TSPAN5: variants seen among roughly 807,000 people sequenced by gnomAD.
The protein encoded by TSPAN5 is tetraspanin 5.
Under a neutral mutation model 37.1 loss-of-function variants are expected in TSPAN5, and 10 were observed. The ratio of observed to expected loss-of-function variants is 0.27; its 90% CI spans 0.17 to 0.46. The LOEUF (loss-of-function observed/expected upper bound fraction) is 0.46. Ranked by LOEUF, TSPAN5 falls within the 20% of genes least tolerant of loss-of-function variation. The pLI, the probability that TSPAN5 is intolerant of heterozygous loss-of-function variation, is 1.00. For synonymous variants in TSPAN5, 110 were observed against 118.9 expected (o/e 0.93, Z 0.48); for missense variants, 195 against 326.6 (o/e 0.60, Z 3.11).
chr4:98,649,774 A>T (rs1371407968), intron 1 of TSPAN5, among the ~76,000 whole-genome samples: 6 of 152,196 alleles, frequency 3.9e-5, no homozygotes, highest in African/African-American at 1.4e-4. Flanking sequence ...TAGGGACTGA[A>T]GGGAGAGTTC....
intron 3 of TSPAN5, 173 bp downstream of exon 3, chr4:98,486,565 G>A: frequency 1.5e-6 from 1 of 648,062 alleles, no homozygotes; most frequent in Non-Finnish European, 2.6e-6. Context: ...TTATTAAGGA[G>A]GCACAACTGG....
At chr4:98,546,401 T>C (rs1424819023) in intron 1 of TSPAN5, among the ~76,000 whole-genome samples, 1 of 152,196 alleles carries the variant, frequency 6.6e-6, no homozygotes, top group Admixed American at 6.5e-5. Flanking sequence ...AGAGGTGTTT[T>C]CCAACTGCAG....
At chr4:98,604,745 A>G (rs752396544) in intron 1 of TSPAN5, among the ~76,000 whole-genome samples, 5 of 152,240 alleles carry the variant, frequency 3.3e-5, no homozygotes, top group Non-Finnish European at 5.9e-5. Context: ...AGAGGGAGAG[A>G]GAAAAGAGAA....
At chr4:98,484,066 A>G in intron 3 of TSPAN5, 1 of 186,580 alleles carries the variant, frequency 5.4e-6, no homozygotes, top group East Asian at 1.4e-4. Flanking sequence ...TCTCACCTCC[A>G]TAAAAGTTAA....
intron 4 of TSPAN5, 101 bp from the exon 5 acceptor site, chr4:98,478,911 T>G: frequency 7.0e-7 from 1 of 1,419,056 alleles, no homozygotes; most frequent in Non-Finnish European, 9.7e-7. Context: ...AGCTCTGACC[T>G]TCTTTTCTGT....
intron 1 of TSPAN5, among the ~76,000 whole-genome samples, chr4:98,539,981 C>T (rs1246257734): frequency 6.6e-6 from 1 of 152,118 alleles, no homozygotes; most frequent in African/African-American, 2.4e-5. Flanking sequence ...CCAACACTCA[C>T]GTGAGTTTGA....
At chr4:98,622,158 C>A (rs1252612479) in intron 1 of TSPAN5, among the ~76,000 whole-genome samples, 1 of 152,208 alleles carries the variant, frequency 6.6e-6, no homozygotes, top group Non-Finnish European at 1.5e-5. Flanking sequence ...TGGCTCACTG[C>A]AACCTCTGCC....
At chr4:98,493,701 C>T (rs999846135) in intron 2 of TSPAN5, among the ~76,000 whole-genome samples, 2 of 152,146 alleles carry the variant, frequency 1.3e-5, no homozygotes, top group Non-Finnish European at 2.9e-5. Context: ...AAGAATTCTT[C>T]GTATGCAGAC....
chr4:98,624,355 T>C (rs1011062710), intron 1 of TSPAN5, among the ~76,000 whole-genome samples: 4 of 152,096 alleles, frequency 2.6e-5, no homozygotes, highest in Non-Finnish European at 5.9e-5. Context: ...AGAACATTAT[T>C]GCCAAGTACA....
intron 2 of TSPAN5, among the ~76,000 whole-genome samples, chr4:98,503,148 A>G (rs1475403745): frequency 1.3e-5 from 2 of 152,070 alleles, no homozygotes; most frequent in East Asian, 1.9e-4. Context: ...GCAACTGCCT[A>G]TGAAAATCAG....
At chr4:98,473,681 G>A (rs1025144896) in intron 7 of TSPAN5, among the ~76,000 whole-genome samples, 1 of 152,100 alleles carries the variant, frequency 6.6e-6, no homozygotes, top group African/African-American at 2.4e-5. Flanking sequence ...GGATGGTCTC[G>A]ATCTCCTGAC....
At chr4:98,655,807 G>A (rs1382261175) in intron 1 of TSPAN5, among the ~76,000 whole-genome samples, 1 of 152,134 alleles carries the variant, frequency 6.6e-6, no homozygotes, top group African/African-American at 2.4e-5. Context: ...AAAACCATAT[G>A]GTTGCCTTTC....
At chr4:98,521,291 T>C (rs541307264) in intron 1 of TSPAN5, among the ~76,000 whole-genome samples, 18 of 152,322 alleles carry the variant, frequency 1.2e-4, no homozygotes, top group African/African-American at 3.8e-4. Flanking sequence ...GAACAGCAGA[T>C]AGCCTTGAAA....
At chr4:98,500,045 A>G (rs1315084877) in intron 2 of TSPAN5, 3 of 152,182 alleles carry the variant, frequency 2.0e-5, no homozygotes, top group Non-Finnish European at 2.9e-5. Context: ...CTTTCAGTCA[A>G]TAAAACCAAG....
intron 1 of TSPAN5, among the ~76,000 whole-genome samples, chr4:98,627,622 T>C (rs1437306100): frequency 1.3e-5 from 2 of 152,236 alleles, no homozygotes; most frequent in Non-Finnish European, 2.9e-5. Context: ...GTCATTCTTC[T>C]TTAAGTATAA....
chr4:98,518,633 C>G (rs1334059686), intron 1 of TSPAN5, among the ~76,000 whole-genome samples: 1 of 152,228 alleles, frequency 6.6e-6, no homozygotes, highest in Non-Finnish European at 1.5e-5. Context: ...GAAACAGCAT[C>G]TCCCTTCAGG....
chr4:98,479,203 G>A (rs553587944), intron 4 of TSPAN5, among the ~76,000 whole-genome samples: 1 of 152,310 alleles, frequency 6.6e-6, no homozygotes, highest in South Asian at 2.1e-4. Context: ...GGAGGCAACT[G>A]GGGTTATGGG....
At chr4:98,631,002 TCA>T (rs1430692925) in intron 1 of TSPAN5, among the ~76,000 whole-genome samples, 4 of 152,184 alleles carry the variant, frequency 2.6e-5, no homozygotes, top group Non-Finnish European at 4.4e-5. Context: ...AAAGGCATTA[TCA>T]CAGTTCTACT....
chr4:98,607,581 A>T (rs909222280), intron 1 of TSPAN5, among the ~76,000 whole-genome samples: 1 of 151,616 alleles, frequency 6.6e-6, no homozygotes, highest in African/African-American at 2.4e-5. Flanking sequence ...AGTTTTTGTG[A>T]TTTATTTGTA....
Sources: gnomAD v4.1 joint callset for allele counts (sites outside exome capture counted in the v4.1 genomes callset) on GRCh38, gnomAD v4.1.1 for gene constraint, MANE v1.5 for transcripts, NCBI Gene and HGNC (gene_info 2026-07-23, HGNC 2026-07-21) for gene names.